Variants in CFTR observed in about 807,000 individuals in gnomAD.
CFTR encodes cystic fibrosis transmembrane conductance regulator.
CFTR carries 181 observed loss-of-function variants against 171.6 expected under a neutral mutation model. The observed-to-expected ratio is 1.05, with a 90% CI of 0.93 to 1.19. The LOEUF (loss-of-function observed/expected upper bound fraction) is 1.19, where lower values mean the gene tolerates loss of function less well. Among genes scored for constraint, CFTR ranks in the 50% most tolerant of loss-of-function variants. The pLI, the probability that CFTR is intolerant of heterozygous loss-of-function variation, is 0.00. For synonymous variants in CFTR, 583 were observed against 608.0 expected, an observed-to-expected ratio of 0.96 and a Z score of 0.60; for missense variants, 1,968 against 1,734.7, an observed-to-expected ratio of 1.13 and a Z score of -2.39.
At chr7:117,535,523 A>T in intron 6 of CFTR, 112 bp downstream of exon 6, 2 of 767,642 alleles carry the variant, frequency 2.6e-6, no homozygotes, top group Admixed American at 2.9e-5. Flanking sequence ...CAGTGTCATT[A>T]AATTTTTTTT....
chr7:117,485,254 A>C (rs143967830), intron 1 of CFTR, among the ~76,000 whole-genome samples: 10 of 152,278 alleles, frequency 6.6e-5, no homozygotes, highest in South Asian at 4.1e-4. Flanking sequence ...GCATGCAGTT[A>C]TGTGTTGGTT....
At chr7:117,531,200 C>T in intron 4 of CFTR, 86 bp downstream of exon 4, 1 of 994,958 alleles carries the variant, frequency 1.0e-6, no homozygotes, top group Non-Finnish European at 1.5e-6. Context: ...TGAGCTGGTA[C>T]AAGTAAGGGA....
At chr7:117,636,423 A>G (rs1792827812) in intron 22 of CFTR, among the ~76,000 whole-genome samples, 1 of 151,910 alleles carries the variant, frequency 6.6e-6, no homozygotes, top group African/African-American at 2.4e-5. Context: ...GATATGTGGT[A>G]TGGTATCTGA....
At chr7:117,490,662 T>C (rs1798146905) in intron 1 of CFTR, among the ~76,000 whole-genome samples, 2 of 152,134 alleles carry the variant, frequency 1.3e-5, no homozygotes, top group African/African-American at 4.8e-5. Context: ...CATCACTCTC[T>C]GTAAGCACTT....
chr7:117,620,997 G>A (rs572234191), intron 21 of CFTR, among the ~76,000 whole-genome samples: 1 of 152,296 alleles, frequency 6.6e-6, no homozygotes, highest in South Asian at 2.1e-4. Flanking sequence ...AGCTACTGGG[G>A]AGGCTGAGGC....
chr7:117,610,568 C>A lies in CFTR; in HGVS notation c.3038C>A (p.Pro1013His), dbSNP rs193922516. 3.8e-5 allele frequency: 62 copies of A among 1,613,218 alleles called. No individual in the cohort carries two copies. Among genetic ancestry groups the A allele is most frequent in the Non-Finnish European group, 5.1e-5 (60 of 1,179,540 alleles). The change falls in exon 19 of 27, where the codon CCC (proline) becomes CAC (histidine). Residue 1013 changes from proline to histidine, a missense_variant. Physicochemically the swap from Pro to His is moderately conservative, Grantham distance 77 (BLOSUM62 -2). Transcript: ENST00000003084. ...ATAGCAGTTGTCGCAGTTTTACAACCCTACATCTTTGTTGCAACAGTGCCA... is the reference window on the plus strand; with the variant it reads ...ATAGCAGTTGTCGCAGTTTTACAACACTACATCTTTGTTGCAACAGTGCCA... Reference protein sequence around the residue: ...GAIAVVAVLQPYIFVATVPVI... With the variant: ...GAIAVVAVLQHYIFVATVPVI...
rs1470125842 is a variant in CFTR at position 117,611,809 on chromosome 7, G to A, written c.3367+1G>A. The A allele has an allele frequency of 6.3e-7, 1 of 1,599,416 alleles. No homozygotes were observed. ...ACCTTCATTTCCATTTTAACAACAG[G>A]TACTATGAACTCATTAACTTTAGCT... On this transcript the variant is annotated splice_donor_variant, in intron 20 of 26. Coordinates refer to ENST00000003084, the MANE Select transcript of CFTR (RefSeq NM_000492.4). LOFTEE classifies it high-confidence loss of function.
At chr7:117,547,310 T>G (rs1799162714) in intron 9 of CFTR, among the ~76,000 whole-genome samples, 1 of 152,110 alleles carries the variant, frequency 6.6e-6, no homozygotes, top group African/African-American at 2.4e-5. Flanking sequence ...CTTGTGTATT[T>G]TAAACTGCTT....
At chr7:117,645,517 G>A (rs1236162505) in intron 23 of CFTR, among the ~76,000 whole-genome samples, 1 of 152,158 alleles carries the variant, frequency 6.6e-6, no homozygotes, top group African/African-American at 2.4e-5. Flanking sequence ...TGAAAGGCCA[G>A]CTCCCAAGCC....
chr7:117,613,709 A>G (rs1241558311), intron 20 of CFTR, among the ~76,000 whole-genome samples: 1 of 152,150 alleles, frequency 6.6e-6, no homozygotes, highest in African/African-American at 2.4e-5. Context: ...TGTGTATATT[A>G]TGCCTTCTGT....
chr7:117,602,792 GAA>G, intron 15 of CFTR, 32 bp from the exon 16 acceptor site: 1 of 1,605,332 alleles, frequency 6.2e-7, no homozygotes. Flanking sequence ...GAAGATGTTA[GAA>G]AAAAAATCAA....
rs1400171855 is a variant in CFTR at position 117,665,452 on chromosome 7, T to C, written c.4137-7T>C. On this transcript the variant is annotated splice_region_variant and splice_polypyrimidine_tract_variant and intron_variant, in intron 25 of 26. Coordinates refer to ENST00000003084, the MANE Select transcript of CFTR (RefSeq NM_000492.4). Reference sequence around the variant, plus strand: ...ATATTATGTGTGGTATTTTCTTTCTTTTCTAGAACATACCAAATAATTAGA... The same window carrying C: ...ATATTATGTGTGGTATTTTCTTTCTCTTCTAGAACATACCAAATAATTAGA... 5 of 1,541,788 alleles carry C rather than the reference T, an allele frequency of 3.2e-6. No individual in the cohort carries two copies. The highest frequency in any genetic ancestry group is 4.5e-6 in the Non-Finnish European group (5 of 1,114,504).
At chr7:117,623,345 G>A (rs1464681056) in intron 21 of CFTR, among the ~76,000 whole-genome samples, 2 of 152,198 alleles carry the variant, frequency 1.3e-5, no homozygotes, top group East Asian at 1.9e-4. Context: ...GATATCCCTC[G>A]ATCCTCCTTG....
chr7:117,579,108 T>C (rs1427719123), intron 11 of CFTR, among the ~76,000 whole-genome samples: 1 of 152,162 alleles, frequency 6.6e-6, no homozygotes, highest in South Asian at 2.1e-4. Flanking sequence ...AACTATTTGA[T>C]TCATAATAGT....
chr7:117,606,843 G>T, intron 18 of CFTR, 90 bp downstream of exon 18: 2 of 841,550 alleles, frequency 2.4e-6, no homozygotes, highest in Non-Finnish European at 4.2e-6. Flanking sequence ...TTTTTTATTT[G>T]ATTGAGGGTT....
At chr7:117,557,647 C>T (rs1176374060) in intron 10 of CFTR, among the ~76,000 whole-genome samples, 2 of 152,016 alleles carry the variant, frequency 1.3e-5, no homozygotes, top group Non-Finnish European at 2.9e-5. Flanking sequence ...GTATTTGGGC[C>T]TGCATATGTC....
chr7:117,541,344 G>T (rs1278669438), intron 8 of CFTR, among the ~76,000 whole-genome samples: 1 of 152,050 alleles, frequency 6.6e-6, no homozygotes, highest in Non-Finnish European at 1.5e-5. Context: ...AACCAAACTG[G>T]GAGAAAATGA....
At chr7:117,532,237 G>A (rs1798877169) in intron 4 of CFTR, among the ~76,000 whole-genome samples, 1 of 151,672 alleles carries the variant, frequency 6.6e-6, no homozygotes, top group African/African-American at 2.4e-5. Flanking sequence ...CATTTGGAAT[G>A]TGGAATCTAC....
rs1462034415 is a variant in CFTR at position 117,539,418 on chromosome 7, TG to T, written c.870-679del. Among the ~76,000 whole-genome samples the T allele has an allele frequency of 1.2e-3, 183 of 151,068 alleles. 2 individuals are homozygous for T. Among genetic ancestry groups the T allele is most frequent in the African/African-American group, 4.4e-3 (180 of 41,064 alleles). On this transcript the variant is annotated intron_variant, in intron 7 of 26. Transcript: ENST00000003084. The stretch of plus-strand genomic sequence containing the variant: ...TGCAACTTGAATTAAAAGAACCACT[TG>T]GGTTTTTTTTTTTGTTTCAAACGCA...
Sources: allele counts gnomAD v4.1 joint callset (sites outside exome capture counted in the v4.1 genomes callset), GRCh38; gene constraint gnomAD v4.1.1; transcripts MANE v1.5; gene names NCBI Gene and HGNC (gene_info 2026-07-23, HGNC 2026-07-21).